The following BEST1 variants were observed in gnomAD, a reference collection of about 807,000 sequenced individuals.
BEST1 encodes the protein bestrophin 1.
In BEST1, 58 loss-of-function variants were observed where a neutral mutation model predicts 63.3. The ratio of observed to expected loss-of-function variants is 0.92; its 90% confidence interval spans 0.74 to 1.14. The LOEUF (loss-of-function observed/expected upper bound fraction) is 1.14. Among genes scored for constraint, BEST1 ranks in the 50% most tolerant of loss-of-function variants. The pLI, the probability that BEST1 is intolerant of heterozygous loss-of-function variation, is 0.00. For synonymous variants in BEST1, 283 were observed against 291.6 expected, an observed-to-expected ratio of 0.97 and a Z score of 0.30; for missense variants, 671 against 740.1, an observed-to-expected ratio of 0.91 and a Z score of 1.08.
chr11:61,961,931 T>C (rs1422683753), intron 9 of BEST1: 1 of 388,100 alleles, frequency 2.6e-6, no homozygotes, highest in East Asian at 5.3e-5. Context: ...GGCACCAGTG[T>C]TTCTGACTGC....
At chr11:61,958,769 C>G in intron 7 of BEST1, 1 of 342,874 alleles carries the variant, frequency 2.9e-6, no homozygotes, top group Non-Finnish European at 5.6e-6. Context: ...ACCTCTTTAT[C>G]TTTCCTTCCT....
intron 3 of BEST1, chr11:61,955,501 C>A (rs1275471716): frequency 1.8e-6 from 2 of 1,110,532 alleles, no homozygotes; most frequent in Non-Finnish European, 2.5e-6. Context: ...TTTCTGGGAC[C>A]AGCAGGGGGA....
At chr11:61,956,746 G>A in intron 4 of BEST1, 98 bp from the exon 5 acceptor site, 3 of 1,477,230 alleles carry the variant, frequency 2.0e-6, no homozygotes, top group Non-Finnish European at 2.8e-6. Flanking sequence ...AAAGAAAGAG[G>A]ATGGCAAAGG....
intron 9 of BEST1, chr11:61,961,940 G>A (rs1942105927): frequency 2.4e-6 from 1 of 410,086 alleles, no homozygotes; most frequent in East Asian, 4.9e-5. Flanking sequence ...GTTTCTGACT[G>A]CCTGGAGTGA....
In BEST1 at chr11:61,957,465, G is replaced by T. The variant is rs755297144; in HGVS notation, c.714+1G>T. Reference sequence around the variant, plus strand: ...TAGTATCCCACTGGTGTATACACAGGTGAGGACTAGGCTGGTGAGGCTGCC... The same window carrying T: ...TAGTATCCCACTGGTGTATACACAGTTGAGGACTAGGCTGGTGAGGCTGCC... On this transcript the variant is annotated splice_donor_variant, in intron 6 of 10. Coordinates refer to ENST00000378043, the MANE Select transcript of BEST1 (RefSeq NM_004183.4). LOFTEE classifies it high-confidence loss of function. 1 of 1,613,986 alleles carries T rather than the reference G, an allele frequency of 6.2e-7. No individual in the cohort carries two copies. The highest frequency in any genetic ancestry group is 1.1e-5 in the South Asian group (1 of 91,084).
In BEST1 at chr11:61,963,295, G is replaced by C. The variant is rs1055217926; in HGVS notation, c.1739+402G>C. ...TGAGGTGGCAGTCAGCTGGATGACAGATGAACACTTCCCCCATAACTATTT... is the reference window on the plus strand; with the variant it reads ...TGAGGTGGCAGTCAGCTGGATGACACATGAACACTTCCCCCATAACTATTT... On this transcript the variant is annotated intron_variant, in intron 10 of 10. Transcript: ENST00000378043. 5 of 1,365,570 alleles carry C rather than the reference G, an allele frequency of 3.7e-6. No homozygotes were observed. The African/African-American group carries it at 7.2e-5, about 20-fold the overall frequency. The allele number at this position is 1,365,570 out of a possible 1,614,324, so 84.6% of individuals were successfully genotyped here. A position where few individuals can be genotyped will look rare whatever the true frequency, so the allele number is the denominator to read the frequency against.
At chr11:61,958,792 C>A in intron 7 of BEST1, 2 of 330,148 alleles carry the variant, frequency 6.1e-6, no homozygotes, top group Admixed American at 4.4e-5. Flanking sequence ...TGTTGCCCAC[C>A]CACTCTCTCT....
Position 61,957,242 on chromosome 11 carries a change from A to T in BEST1, c.637-145A>T, listed in dbSNP as rs138552020. 4 of 934,050 alleles carry T rather than the reference A, an allele frequency of 4.3e-6. No individual in the cohort carries two copies. In the African/African-American group the frequency reaches 6.5e-5, roughly 15 times the overall value. The allele number at this position is 934,050 out of a possible 1,614,324, so 57.9% of individuals were successfully genotyped here. The stretch of plus-strand genomic sequence containing the variant: ...TTGATAGATGAGGAAGCTGAGACAC[A>T]AAGAGGTTTAGTGAGCTTCCCATGG... On this transcript the variant is annotated intron_variant, in intron 5 of 10. Coordinates refer to ENST00000378043, the MANE Select transcript of BEST1 (RefSeq NM_004183.4).
At chr11:61,952,700 C>A (rs1298732140) in intron 2 of BEST1, among the ~76,000 whole-genome samples, 10 of 151,678 alleles carry the variant, frequency 6.6e-5, no homozygotes, top group Non-Finnish European at 1.5e-5. Context: ...TGGTCTTGAA[C>A]CCCTGACCTC....
chr11:61,957,371 C>T lies in BEST1; in HGVS notation c.637-16C>T. On this transcript the variant is annotated splice_polypyrimidine_tract_variant and intron_variant, in intron 5 of 10. Transcript: ENST00000378043. ...AGGTGGTGTTCAGAACCCCATCCCC[C>T]TCTTCTGCCCCCCAGGAGATGAACA... The T allele has an allele frequency of 1.2e-6, 2 of 1,612,212 alleles. No homozygotes were observed. Among genetic ancestry groups the T allele is most frequent in the South Asian group, 1.1e-5 (1 of 91,038 alleles).
chr11:61,954,064 C>T (rs1407118428), intron 2 of BEST1, among the ~76,000 whole-genome samples: 1 of 152,204 alleles, frequency 6.6e-6, no homozygotes, highest in African/African-American at 2.4e-5. Context: ...TAAGTTCCTC[C>T]TAATACCAAA....
Position 61,962,747 on chromosome 11 carries a change from A to C in BEST1, c.1593A>C (p.Gln531His), listed in dbSNP as rs745899258. The C allele has an allele frequency of 6.2e-7, 1 of 1,614,242 alleles. No individual in the cohort carries two copies. The highest frequency in any genetic ancestry group is 2.2e-5 in the East Asian group (1 of 44,884). Reference sequence around the variant, plus strand: ...TGATGGAGCACCCAGAAGTATCTCAAGTGAGGAGGAAAACTGTGGAGTTTA... The same window carrying C: ...TGATGGAGCACCCAGAAGTATCTCACGTGAGGAGGAAAACTGTGGAGTTTA... Reference protein sequence around the residue: ...GALMEHPEVSQVRRKTVEFNL... With the variant: ...GALMEHPEVSHVRRKTVEFNL... Residue 531 changes from glutamine (Q) to histidine (H), a missense_variant, in exon 10 of 11, where the codon CAA (glutamine) becomes CAC (histidine). Gln to His is a conservative substitution (Grantham distance 24). Transcript: ENST00000378043.
chr11:61,963,990 CAA>C (rs34046408), intron 10 of BEST1, 112 bp from the exon 11 acceptor site: 37,818 of 1,339,908 alleles, frequency 0.028, no homozygotes, highest in Middle Eastern at 0.039. Context: ...GAGACTGTCT[CAA>C]AAAAAAAAAA....
At chr11:61,954,559 A>G (rs931965997) in intron 2 of BEST1, among the ~76,000 whole-genome samples, 5 of 152,074 alleles carry the variant, frequency 3.3e-5, no homozygotes, top group Admixed American at 2.0e-4. Context: ...GCAGCCTCCA[A>G]CTCCTGGGCT....
intron 1 of BEST1, 91 bp from the exon 2 acceptor site, chr11:61,951,680 A>C (rs1215896405): frequency 7.6e-7 from 1 of 1,311,652 alleles, no homozygotes; most frequent in African/African-American, 1.5e-5. Context: ...CCTATGGGAG[A>C]GTTGAGGTCC....
downstream of BEST1, chr11:61,965,286 G>A: frequency 6.3e-7 from 1 of 1,597,748 alleles, no homozygotes; most frequent in Non-Finnish European, 8.6e-7. Flanking sequence ...CACTTTATAA[G>A]GGCAATTGCT....
At chr11:61,957,891 T>A (rs531681052) in intron 6 of BEST1, among the ~76,000 whole-genome samples, 1 of 152,152 alleles carries the variant, frequency 6.6e-6, no homozygotes, top group Non-Finnish European at 1.5e-5. Flanking sequence ...GGAGAATCGC[T>A]TGAACCCGGG....
intron 9 of BEST1, chr11:61,960,603 A>G (rs1205713022): frequency 3.8e-5 from 6 of 158,762 alleles, no homozygotes; most frequent in African/African-American, 1.4e-4. Context: ...ACTCCTGACC[A>G]GTAATCTGCC....
chr11:61,950,948 C>G (rs1414587188), intron 1 of BEST1, among the ~76,000 whole-genome samples: 1 of 152,110 alleles, frequency 6.6e-6, no homozygotes, highest in Non-Finnish European at 1.5e-5. Flanking sequence ...GCAGGAAGAT[C>G]AGCAGGTGGA....
Sources: gnomAD v4.1 joint callset for allele counts (sites outside exome capture counted in the v4.1 genomes callset) on GRCh38, gnomAD v4.1.1 for gene constraint, MANE v1.5 for transcripts, NCBI Gene and HGNC (gene_info 2026-07-23, HGNC 2026-07-21) for gene names.